NME7: variants seen among roughly 807,000 people sequenced by gnomAD.
NME7 encodes the protein nucleoside diphosphate kinase 7.
Under a neutral mutation model 49.1 loss-of-function variants are expected in NME7, and 41 were observed. The observed-to-expected ratio is 0.83, with a 90% confidence interval of 0.65 to 1.08. NME7 has a LOEUF of 1.08. Among genes scored for constraint, NME7 ranks in the 50% least tolerant of loss-of-function variants. The probability of loss-of-function intolerance (pLI) is 0.00; values close to 1 mark genes in which losing one functional copy is unlikely to be tolerated. For synonymous variants in NME7, 139 were observed against 150.6 expected (o/e 0.92, Z 0.56); for missense variants, 423 against 463.4 (o/e 0.91, Z 0.80).
intron 1 of NME7, among the ~76,000 whole-genome samples, chr1:169,329,355 G>A (rs1365424044): frequency 7.0e-6 from 1 of 143,034 alleles, no homozygotes; most frequent in African/African-American, 2.6e-5. Flanking sequence ...ATGTCATGCT[G>A]TGGTTTGAAT....
At chr1:169,228,459 T>C (rs960009257) in intron 10 of NME7, among the ~76,000 whole-genome samples, 1 of 151,510 alleles carries the variant, frequency 6.6e-6, no homozygotes, top group Non-Finnish European at 1.5e-5. Context: ...GGGTGGATCA[T>C]GAGGTCAGGA....
chr1:169,154,879 T>C (rs1571248539), intron 11 of NME7, among the ~76,000 whole-genome samples: 1 of 152,182 alleles, frequency 6.6e-6, no homozygotes, highest in South Asian at 2.1e-4. Flanking sequence ...TTTGTGCCCA[T>C]GTATAAGTGT....
intron 10 of NME7, among the ~76,000 whole-genome samples, chr1:169,194,247 G>C (rs542274998): frequency 6.6e-6 from 1 of 152,148 alleles, no homozygotes. Flanking sequence ...TGGAAGGCAA[G>C]GGACAAGAAG....
intron 7 of NME7, among the ~76,000 whole-genome samples, chr1:169,260,649 C>A (rs1649130663): frequency 7.6e-6 from 1 of 132,218 alleles, no homozygotes; most frequent in African/African-American, 2.5e-5. Context: ...TTCCTTTTGT[C>A]ATTGTGCAAT....
intron 10 of NME7, among the ~76,000 whole-genome samples, chr1:169,177,055 TTAA>T (rs1354310020): frequency 6.6e-6 from 1 of 152,186 alleles, no homozygotes; most frequent in Non-Finnish European, 1.5e-5. Flanking sequence ...AGAGGCATTC[TTAA>T]TATCTCCCCG....
intron 10 of NME7, among the ~76,000 whole-genome samples, chr1:169,205,765 C>T (rs1209197927): frequency 1.3e-5 from 2 of 152,160 alleles, no homozygotes; most frequent in Non-Finnish European, 2.9e-5. Flanking sequence ...TGGTCCTCTG[C>T]TCAAACTCTG....
intron 10 of NME7, among the ~76,000 whole-genome samples, chr1:169,181,296 C>T (rs12083287): frequency 0.37 from 56,325 of 151,434 alleles, 11,045 homozygotes; most frequent in East Asian, 0.73. Flanking sequence ...CTCTCAGCAA[C>T]TTTGTTTCCT....
At chr1:169,180,429 C>T (rs1218557065) in intron 10 of NME7, among the ~76,000 whole-genome samples, 2 of 152,196 alleles carry the variant, frequency 1.3e-5, no homozygotes, top group East Asian at 3.8e-4. Context: ...GTTCTACGGA[C>T]AGTCTCAGAC....
At chr1:169,340,980 G>T (rs374170136) in intron 1 of NME7, among the ~76,000 whole-genome samples, 2 of 152,134 alleles carry the variant, frequency 1.3e-5, no homozygotes, top group African/African-American at 4.8e-5. Flanking sequence ...TGGTAGAAAA[G>T]AAAAACCCAT....
chr1:169,161,405 A>T (rs1254232099), intron 11 of NME7, among the ~76,000 whole-genome samples: 1 of 152,216 alleles, frequency 6.6e-6, no homozygotes, highest in Non-Finnish European at 1.5e-5. Flanking sequence ...GGCCTGCGTT[A>T]ATCACGGCCA....
intron 11 of NME7, among the ~76,000 whole-genome samples, chr1:169,151,038 T>C (rs915652240): frequency 6.6e-6 from 1 of 152,234 alleles, no homozygotes; most frequent in East Asian, 1.9e-4. Context: ...TCTTAGCTCA[T>C]GGGCCGCACA....
chr1:169,230,675 A>C (rs1026831483), intron 10 of NME7, 43 bp downstream of exon 10: 2 of 1,345,988 alleles, frequency 1.5e-6, no homozygotes, highest in Non-Finnish European at 2.0e-6. Context: ...AAAATAGTGA[A>C]TAGATAACAC....
At chr1:169,147,651 T>C (rs1658797531) in intron 11 of NME7, among the ~76,000 whole-genome samples, 1 of 152,162 alleles carries the variant, frequency 6.6e-6, no homozygotes, top group South Asian at 2.1e-4. Flanking sequence ...TTAATGCAAA[T>C]AAATTTAATA....
chr1:169,315,684 A>G (rs755099029), intron 3 of NME7, among the ~76,000 whole-genome samples: 2 of 152,240 alleles, frequency 1.3e-5, no homozygotes, highest in Admixed American at 6.5e-5. Context: ...GACACATGCA[A>G]TTCAGCTAGA....
At chr1:169,137,137 T>C (rs987156181) in intron 11 of NME7, among the ~76,000 whole-genome samples, 3 of 152,214 alleles carry the variant, frequency 2.0e-5, no homozygotes, top group Admixed American at 6.5e-5. Flanking sequence ...AATATATCAG[T>C]GTATTTAGTA....
chr1:169,244,567 C>T (rs556103922), intron 7 of NME7, among the ~76,000 whole-genome samples: 8 of 142,392 alleles, frequency 5.6e-5, no homozygotes, highest in East Asian at 2.2e-4. Context: ...ACCTGGGAGG[C>T]GGAGCTTTCA....
At chr1:169,133,829 T>C (rs1010228048) in intron 11 of NME7, among the ~76,000 whole-genome samples, 1 of 152,170 alleles carries the variant, frequency 6.6e-6, no homozygotes, top group Non-Finnish European at 1.5e-5. Context: ...GTATGTGATA[T>C]TTAAATTTGT....
intron 10 of NME7, among the ~76,000 whole-genome samples, chr1:169,201,707 C>T (rs1053981209): frequency 4.6e-5 from 7 of 152,060 alleles, no homozygotes; most frequent in African/African-American, 1.7e-4. Context: ...AGCAAGTTTG[C>T]AAGGAAGGAG....
intron 11 of NME7, among the ~76,000 whole-genome samples, chr1:169,160,354 A>G (rs1659208310): frequency 1.3e-5 from 2 of 152,146 alleles, no homozygotes; most frequent in Non-Finnish European, 2.9e-5. Context: ...TAATACATGT[A>G]ATCTCCTAAA....
Sources: gnomAD v4.1 joint callset for allele counts (sites outside exome capture counted in the v4.1 genomes callset) on GRCh38, gnomAD v4.1.1 for gene constraint, MANE v1.5 for transcripts, NCBI Gene and HGNC (gene_info 2026-07-23, HGNC 2026-07-21) for gene names.